SYT9: variants seen among roughly 807,000 people sequenced by gnomAD.
SYT9 encodes synaptotagmin-9.
In SYT9, 22 loss-of-function variants were observed where a neutral mutation model predicts 48.4. The ratio of observed to expected loss-of-function variants is 0.45; its 90% CI spans 0.32 to 0.65. SYT9 has a LOEUF of 0.65. Among genes scored for constraint, SYT9 ranks in the 30% least tolerant of loss-of-function variants. The probability of loss-of-function intolerance (pLI) is 0.03; values close to 1 mark genes in which losing one functional copy is unlikely to be tolerated. For synonymous variants in SYT9, 265 were observed against 245.0 expected (o/e 1.08, Z -0.76); for missense variants, 577 against 622.0 (o/e 0.93, Z 0.77).
At chr11:7,448,747 T>G (rs940508190) in intron 6 of SYT9, among the ~76,000 whole-genome samples, 1 of 152,162 alleles carries the variant, frequency 6.6e-6, no homozygotes, top group Non-Finnish European at 1.5e-5. Context: ...CCTTCAAACG[T>G]CATTCTTTAG....
chr11:7,361,921 A>C (rs781361953), intron 3 of SYT9, among the ~76,000 whole-genome samples: 1 of 152,148 alleles, frequency 6.6e-6, no homozygotes, highest in Non-Finnish European at 1.5e-5. Flanking sequence ...TTTCATTTTC[A>C]AATTTATGGT....
chr11:7,449,832 C>T (rs759680281), intron 6 of SYT9, among the ~76,000 whole-genome samples: 37 of 152,084 alleles, frequency 2.4e-4, no homozygotes, highest in Non-Finnish European at 4.7e-4. Context: ...CCCATTTATT[C>T]GTCCATTCCC....
At chr11:7,295,365 C>G (rs1475144495) in intron 1 of SYT9, among the ~76,000 whole-genome samples, 1 of 152,196 alleles carries the variant, frequency 6.6e-6, no homozygotes, top group Non-Finnish European at 1.5e-5. Flanking sequence ...CACAATTCAG[C>G]AAAGTTATTT....
At chr11:7,457,957 A>C (rs72846896) in intron 6 of SYT9, 47,501 of 152,116 alleles carry the variant, frequency 0.31, 8,950 homozygotes, top group African/African-American at 0.52. Flanking sequence ...TATTGTAAGA[A>C]TTCTGTTCAA....
intron 3 of SYT9, among the ~76,000 whole-genome samples, chr11:7,328,073 T>TAA (rs1212912952): frequency 7.3e-3 from 71 of 9,694 alleles, no homozygotes; most frequent in Admixed American, 9.1e-3. Context: ...AAAGTATAAT[T>TAA]AAAAATAATA....
intron 6 of SYT9, among the ~76,000 whole-genome samples, chr11:7,459,737 T>C (rs1033347146): frequency 4.6e-5 from 7 of 152,148 alleles, no homozygotes; most frequent in Non-Finnish European, 1.5e-5. Flanking sequence ...CTAGTGTCCT[T>C]ATAGGAAAGC....
intron 3 of SYT9, among the ~76,000 whole-genome samples, chr11:7,347,422 A>T (rs1299356969): frequency 6.6e-6 from 1 of 151,862 alleles, no homozygotes; most frequent in African/African-American, 2.4e-5. Flanking sequence ...TTTAGTGGAG[A>T]CGGGGTTCTA....
At chr11:7,272,521 T>C (rs1033406086) in intron 1 of SYT9, among the ~76,000 whole-genome samples, 1 of 152,172 alleles carries the variant, frequency 6.6e-6, no homozygotes, top group Non-Finnish European at 1.5e-5. Context: ...GACAATGTAA[T>C]GCAATCTAGC....
At chr11:7,451,941 T>C (rs1390831092) in intron 6 of SYT9, among the ~76,000 whole-genome samples, 1 of 152,114 alleles carries the variant, frequency 6.6e-6, no homozygotes, top group Non-Finnish European at 1.5e-5. Context: ...AAATCTGACA[T>C]TGCTGCTGGT....
chr11:7,443,174 T>G (rs1191670210), intron 6 of SYT9, among the ~76,000 whole-genome samples: 1 of 152,118 alleles, frequency 6.6e-6, no homozygotes, highest in Admixed American at 6.6e-5. Context: ...TGGCCTCCCC[T>G]TTGGAAGTGG....
Position 7,366,935 on chromosome 11 carries a change from A to G in SYT9, c.1045-49107A>G, listed in dbSNP as rs567197989. ...TAATATATTATAAATTTTTGTGAATAAATATACACATAGTAAACTTATGAC... is the reference window on the plus strand; with the variant it reads ...TAATATATTATAAATTTTTGTGAATGAATATACACATAGTAAACTTATGAC... On this transcript the variant is annotated intron_variant, in intron 3 of 6. Coordinates refer to ENST00000318881, the MANE Select transcript of SYT9 (RefSeq NM_175733.4). 4.6e-5 allele frequency among the ~76,000 whole-genome samples: 7 copies of G among 152,004 alleles called. No individual in the cohort carries two copies. The East Asian group carries it at 9.6e-4, about 21-fold the overall frequency.
chr11:7,456,710 TCC>T (rs1848154673), intron 6 of SYT9: 1 of 152,234 alleles, frequency 6.6e-6, no homozygotes, highest in Non-Finnish European at 1.5e-5. Flanking sequence ...ACTCCATTGG[TCC>T]CTATTCAGGA....
chr11:7,397,382 A>C (rs1250427157), intron 3 of SYT9, among the ~76,000 whole-genome samples: 1 of 152,164 alleles, frequency 6.6e-6, no homozygotes, highest in Admixed American at 6.5e-5. Context: ...ATTGAGTGCT[A>C]TGTCTGTCCT....
intron 4 of SYT9, 56 bp from the exon 5 acceptor site, chr11:7,417,901 C>T: frequency 6.4e-7 from 1 of 1,559,328 alleles, no homozygotes; most frequent in Admixed American, 1.9e-5. Context: ...GATATAACTG[C>T]CCACCTAAAT....
At chr11:7,379,291 AAG>A (rs1850513986) in intron 3 of SYT9, among the ~76,000 whole-genome samples, 1 of 152,176 alleles carries the variant, frequency 6.6e-6, no homozygotes, top group Non-Finnish European at 1.5e-5. Context: ...TAGAAAAAAT[AAG>A]AGGTTTCCAG....
At chr11:7,330,331 T>C (rs1849504782) in intron 3 of SYT9, among the ~76,000 whole-genome samples, 1 of 152,104 alleles carries the variant, frequency 6.6e-6, no homozygotes, top group African/African-American at 2.4e-5. Context: ...TTTCCTTATA[T>C]GAAAGAGGCA....
chr11:7,247,462 C>CAT (rs1470433353), upstream of SYT9, among the ~76,000 whole-genome samples: 1 of 149,870 alleles, frequency 6.7e-6, no homozygotes, highest in Non-Finnish European at 1.5e-5. Flanking sequence ...AGTATTCCAT[C>CAT]ATATATATAT....
chr11:7,309,932 G>A (rs1350446625), intron 2 of SYT9, among the ~76,000 whole-genome samples: 2 of 152,186 alleles, frequency 1.3e-5, no homozygotes, highest in Non-Finnish European at 2.9e-5. Flanking sequence ...AGCCCCAGGA[G>A]TGAGAACCTG....
chr11:7,292,466 G>C (rs764508157), intron 1 of SYT9, among the ~76,000 whole-genome samples: 17 of 152,302 alleles, frequency 1.1e-4, no homozygotes, highest in Admixed American at 5.2e-4. Context: ...CCAGGAGAGG[G>C]TGCAGGCGGC....
Sources: allele counts gnomAD v4.1 joint callset (sites outside exome capture counted in the v4.1 genomes callset), GRCh38; gene constraint gnomAD v4.1.1; transcripts MANE v1.5; gene names NCBI Gene and HGNC (gene_info 2026-07-23, HGNC 2026-07-21).